PDE7B: variants seen among roughly 807,000 people sequenced by gnomAD.
PDE7B encodes phosphodiesterase 7B, also known as 3',5'-cyclic-AMP phosphodiesterase 7B.
PDE7B carries 29 observed loss-of-function variants against 56.2 expected under a neutral mutation model. The ratio of observed to expected loss-of-function variants is 0.52; its 90% CI spans 0.38 to 0.70. The LOEUF is 0.70. Among genes scored for constraint, PDE7B ranks in the 30% least tolerant of loss-of-function variants. The pLI is 0.00. For synonymous variants in PDE7B, 197 were observed against 196.9 expected (o/e 1.00, Z 0.00); for missense variants, 490 against 565.0 (o/e 0.87, Z 1.35).
chr6:135,969,312 A>C (rs1480182806), intron 2 of PDE7B, among the ~76,000 whole-genome samples: 1 of 152,192 alleles, frequency 6.6e-6, no homozygotes, highest in Non-Finnish European at 1.5e-5. Flanking sequence ...ACTTAAAATA[A>C]ATAAAAATTT....
At chr6:136,133,258 CAAG>C (rs1313853805) in intron 3 of PDE7B, among the ~76,000 whole-genome samples, 1 of 149,428 alleles carries the variant, frequency 6.7e-6, no homozygotes, top group Non-Finnish European at 1.5e-5. Flanking sequence ...AATAATAAAA[CAAG>C]AAGGGGCTGC....
intron 2 of PDE7B, among the ~76,000 whole-genome samples, chr6:136,088,308 G>C (rs369319073): frequency 7.9e-5 from 12 of 152,270 alleles, no homozygotes; most frequent in African/African-American, 2.4e-4. Flanking sequence ...CCCCACAAGG[G>C]GGGAGTGGAG....
intron 2 of PDE7B, among the ~76,000 whole-genome samples, chr6:136,088,421 T>C (rs1165812931): frequency 2.6e-5 from 4 of 152,166 alleles, no homozygotes; most frequent in Non-Finnish European, 5.9e-5. Context: ...CTGTAAGTGA[T>C]GCACTAAGCT....
chr6:136,034,937 CTT>C (rs1365683057), intron 2 of PDE7B: 1 of 152,234 alleles, frequency 6.6e-6, no homozygotes, highest in Non-Finnish European at 1.5e-5. Context: ...ACAGCAAAGT[CTT>C]TTTGATACAA....
chr6:136,032,174 C>T (rs1425773708), intron 2 of PDE7B, among the ~76,000 whole-genome samples: 1 of 152,036 alleles, frequency 6.6e-6, no homozygotes, highest in African/African-American at 2.4e-5. Context: ...ACACTGAGGC[C>T]CTCATCAGTT....
At chr6:136,065,270 A>C (rs762917039) in intron 2 of PDE7B, among the ~76,000 whole-genome samples, 1 of 152,208 alleles carries the variant, frequency 6.6e-6, no homozygotes, top group Non-Finnish European at 1.5e-5. Context: ...TTATCAAATT[A>C]GACGTTTGCT....
chr6:135,888,355 T>G (rs1223354415), intron 1 of PDE7B, among the ~76,000 whole-genome samples: 1 of 152,136 alleles, frequency 6.6e-6, no homozygotes, highest in African/African-American at 2.4e-5. Flanking sequence ...GTTCTGCTGC[T>G]TCCAAGGACT....
chr6:135,865,750 G>A (rs1170762386), intron 1 of PDE7B, among the ~76,000 whole-genome samples: 1 of 152,000 alleles, frequency 6.6e-6, no homozygotes, highest in Non-Finnish European at 1.5e-5. Flanking sequence ...TGCTTCAGCA[G>A]TTATCAGTGG....
chr6:136,035,955 T>C (rs1776320244), intron 2 of PDE7B, among the ~76,000 whole-genome samples: 1 of 152,238 alleles, frequency 6.6e-6, no homozygotes, highest in Non-Finnish European at 1.5e-5. Flanking sequence ...ATCCTGATGC[T>C]AAGTACTATT....
intron 3 of PDE7B, among the ~76,000 whole-genome samples, chr6:136,119,625 T>C (rs1396232126): frequency 6.6e-6 from 1 of 152,224 alleles, no homozygotes; most frequent in Non-Finnish European, 1.5e-5. Context: ...ATCAAAGTTC[T>C]TATTCACATT....
At position 136,010,431 on chromosome 6, in the gene PDE7B, G is replaced by T. The variant is rs187533506; in HGVS notation, c.82+62907G>T. On this transcript the variant is annotated intron_variant, in intron 2 of 12. Coordinates refer to ENST00000308191, the MANE Select transcript of PDE7B (RefSeq NM_018945.4). ...TTTTGGTTTTGTTTTTTGAGACGGA[G>T]TTTCACTCCTGTTACTCAGGCTGGA... Among the ~76,000 whole-genome samples, 1,091 of 141,800 alleles carry T rather than the reference G, an allele frequency of 7.7e-3. 11 individuals are homozygous for T. The highest frequency in any genetic ancestry group is 0.012 in the Non-Finnish European group (816 of 66,076). The allele number at this position is 141,800 out of a possible 152,430, so 93.0% of individuals were successfully genotyped here.
intron 2 of PDE7B, among the ~76,000 whole-genome samples, chr6:136,009,311 G>A (rs1247761014): frequency 1.3e-5 from 2 of 151,968 alleles, no homozygotes; most frequent in Non-Finnish European, 2.9e-5. Context: ...TTGACTTGGC[G>A]ATGTGGGCTC....
chr6:136,190,395 C>T (rs1360246502), intron 12 of PDE7B, among the ~76,000 whole-genome samples: 1 of 152,176 alleles, frequency 6.6e-6, no homozygotes, highest in East Asian at 1.9e-4. Context: ...TGCTGCATCC[C>T]TCTTCCATCT....
intron 2 of PDE7B, among the ~76,000 whole-genome samples, chr6:135,981,432 T>TATA (rs1010470323): frequency 1.9e-4 from 29 of 151,074 alleles, no homozygotes; most frequent in African/African-American, 4.9e-4. Flanking sequence ...AAACTTAAAG[T>TATA]ATAATAATAA....
intron 2 of PDE7B, among the ~76,000 whole-genome samples, chr6:136,000,024 GC>G (rs1181124794): frequency 2.6e-5 from 4 of 152,106 alleles, no homozygotes; most frequent in Admixed American, 1.3e-4. Context: ...GTGATTTTAA[GC>G]TTTTTGGCCA....
chr6:136,079,937 A>G (rs1777180218), intron 2 of PDE7B, among the ~76,000 whole-genome samples: 1 of 152,030 alleles, frequency 6.6e-6, no homozygotes. Context: ...AGCCTGGGAA[A>G]ATCACTCCAA....
At chr6:136,165,060 G>A (rs1778771453) in intron 8 of PDE7B, among the ~76,000 whole-genome samples, 1 of 152,190 alleles carries the variant, frequency 6.6e-6, no homozygotes, top group Non-Finnish European at 1.5e-5. Flanking sequence ...AAAGTGTGAG[G>A]AAAGTATAGT....
At chr6:135,947,143 G>A (rs1292010777) in intron 1 of PDE7B, among the ~76,000 whole-genome samples, 2 of 151,984 alleles carry the variant, frequency 1.3e-5, no homozygotes, top group African/African-American at 4.8e-5. Flanking sequence ...GCAGATTATT[G>A]GGCCTAATAG....
chr6:136,019,105 T>C (rs1000025198), intron 2 of PDE7B, among the ~76,000 whole-genome samples: 1 of 152,070 alleles, frequency 6.6e-6, no homozygotes, highest in Admixed American at 6.6e-5. Context: ...CATATAATCC[T>C]GGAAGTAAAT....
Sources: gnomAD v4.1 joint callset for allele counts (sites outside exome capture counted in the v4.1 genomes callset) on GRCh38, gnomAD v4.1.1 for gene constraint, MANE v1.5 for transcripts, NCBI Gene and HGNC (gene_info 2026-07-23, HGNC 2026-07-21) for gene names.